The following IL1RAPL2 variants were observed in gnomAD, a reference collection of about 807,000 sequenced individuals.
IL1RAPL2 encodes interleukin 1 receptor accessory protein like 2, also known as X-linked interleukin-1 receptor accessory protein-like 2.
A neutral mutation model predicts 44.1 loss-of-function variants in IL1RAPL2; 3 were observed. That is an observed-to-expected ratio of 0.07 (90% confidence interval 0.03 to 0.18). IL1RAPL2 has a LOEUF of 0.18. Ranked by LOEUF, IL1RAPL2 falls within the 10% of genes least tolerant of loss-of-function variation. The pLI is 1.00. For missense variants in IL1RAPL2, 391 were observed against 496.4 expected, an observed-to-expected ratio of 0.79 and a Z score of 2.02; for synonymous variants, 181 against 178.8, an observed-to-expected ratio of 1.01 and a Z score of -0.10.
Position 105,524,530 on chromosome X carries a change from C to A in IL1RAPL2, c.772+40143C>A, listed in dbSNP as rs544026569. ...CACATCATTTTCAAGCACCTAAGAA[C>A]TTATTTACTGCAAATACTAGATATG... On this transcript the variant is annotated intron_variant, in intron 6 of 10. Coordinates refer to ENST00000372582, the MANE Select transcript of IL1RAPL2 (RefSeq NM_017416.2). Among the ~76,000 whole-genome samples the A allele has an allele frequency of 5.5e-4, 60 of 109,530 alleles. No individual in the cohort carries two copies. In the South Asian group the frequency reaches 0.022, roughly 41 times the overall value.
chrX:104,786,619 G>A (rs1932799168), intron 2 of IL1RAPL2, among the ~76,000 whole-genome samples: 1 of 111,270 alleles, frequency 9.0e-6, no homozygotes, highest in Admixed American at 9.6e-5. Flanking sequence ...TCTTTATAAA[G>A]ATAATCACTT....
intron 2 of IL1RAPL2, among the ~76,000 whole-genome samples, chrX:105,116,055 G>A (rs1020192464): frequency 1.6e-4 from 18 of 112,725 alleles, no homozygotes; most frequent in African/African-American, 3.9e-4. Context: ...GCCTGCAAGC[G>A]CGTGCGCAGC....
chrX:105,476,497 G>T (rs2036198312), intron 5 of IL1RAPL2, among the ~76,000 whole-genome samples: 1 of 111,739 alleles, frequency 8.9e-6, no homozygotes, highest in African/African-American at 3.3e-5. Flanking sequence ...GGGGATCACT[G>T]GTTCTGTTTT....
intron 2 of IL1RAPL2, among the ~76,000 whole-genome samples, chrX:104,903,708 G>C (rs952801753): frequency 2.7e-5 from 3 of 110,583 alleles, no homozygotes; most frequent in Non-Finnish European, 5.7e-5. Context: ...CTCCCGAGTA[G>C]CTGGGACTAC....
In IL1RAPL2 at chrX:104,783,326, T is replaced by G. The variant is rs772053134; in HGVS notation, c.82+124331T>G. 2.1e-4 allele frequency among the ~76,000 whole-genome samples: 23 copies of G among 110,999 alleles called. No homozygotes were observed. The South Asian group carries it at 8.2e-3, about 40-fold the overall frequency. On this transcript the variant is annotated intron_variant, in intron 2 of 10. Transcript: ENST00000372582. ...TTCTTGAAAGTTAGTGAGAGGTGTT[T>G]CCTCTGCAAACAGATCGCTGAAAGT...
chrX:105,385,767 T>TCCAAGTAG (rs1238653281), intron 5 of IL1RAPL2, among the ~76,000 whole-genome samples: 1 of 110,352 alleles, frequency 9.1e-6, no homozygotes, highest in East Asian at 2.9e-4. Context: ...TGGTAAGATG[T>TCCAAGTAG]CCAAGTAGAG....
chrX:105,035,318 C>T (rs1348387862), intron 2 of IL1RAPL2, among the ~76,000 whole-genome samples: 1 of 111,934 alleles, frequency 8.9e-6, no homozygotes, highest in Non-Finnish European at 1.9e-5. Flanking sequence ...CAAAAATCAC[C>T]TGTCTGCTGT....
At chrX:104,625,544 TTCTTC>T (rs201393239) in intron 1 of IL1RAPL2, among the ~76,000 whole-genome samples, 1,367 of 111,890 alleles carry the variant, frequency 0.012, 31 homozygotes, top group African/African-American at 0.041. Flanking sequence ...CTTCTTTTTC[TTCTTC>T]TCTTCTCTGC....
chrX:104,907,841 C>T (rs1020026067), intron 2 of IL1RAPL2, among the ~76,000 whole-genome samples: 2 of 110,246 alleles, frequency 1.8e-5, no homozygotes, highest in African/African-American at 6.6e-5. Context: ...GAGCTGACTT[C>T]AATTCCTGGG....
rs1219330020 is a variant in IL1RAPL2 at position 104,672,497 on chromosome X, T to C, written c.82+13502T>C. On this transcript the variant is annotated intron_variant, in intron 2 of 10. Coordinates refer to ENST00000372582, the MANE Select transcript of IL1RAPL2 (RefSeq NM_017416.2). ...ACATTTTCTTAATCCAGTCTATCAT[T>C]GTTGGACATTTGGGTTGGTTCCAAG... Among the ~76,000 whole-genome samples the C allele has an allele frequency of 1.4e-4, 15 of 107,211 alleles. No homozygotes were observed. In the South Asian group the frequency reaches 3.1e-3, roughly 22 times the overall value. 93.1% of individuals were successfully genotyped at this position (107,211 alleles called of 115,157 possible).
At chrX:105,517,528 A>G (rs2036523543) in intron 6 of IL1RAPL2, among the ~76,000 whole-genome samples, 1 of 111,102 alleles carries the variant, frequency 9.0e-6, no homozygotes, top group African/African-American at 3.3e-5. Context: ...TTTCACACCA[A>G]TGTGTCTGTG....
At chrX:105,613,815 G>T (rs761898367) in intron 6 of IL1RAPL2, among the ~76,000 whole-genome samples, 1 of 111,554 alleles carries the variant, frequency 9.0e-6, no homozygotes, top group African/African-American at 3.3e-5. Flanking sequence ...GACCTCATCT[G>T]CAGTAAATAG....
chrX:104,614,140 C>G (rs1183346090), intron 1 of IL1RAPL2, among the ~76,000 whole-genome samples: 1 of 111,375 alleles, frequency 9.0e-6, no homozygotes, highest in African/African-American at 3.3e-5. Flanking sequence ...TTCAAAGAAA[C>G]AGACTTTTGG....
chrX:105,262,950 A>G (rs1004183561), intron 4 of IL1RAPL2, among the ~76,000 whole-genome samples: 1 of 109,616 alleles, frequency 9.1e-6, no homozygotes, highest in Admixed American at 9.8e-5. Flanking sequence ...CAATGGTGCA[A>G]TCTTGGCTCA....
intron 2 of IL1RAPL2, among the ~76,000 whole-genome samples, chrX:104,904,932 G>A (rs1412420539): frequency 9.9e-5 from 11 of 111,281 alleles, no homozygotes; most frequent in African/African-American, 3.6e-4. Flanking sequence ...GTGTAAAAGT[G>A]TTCCTATTTC....
At chrX:105,304,240 T>C (rs1246074236) in intron 5 of IL1RAPL2, among the ~76,000 whole-genome samples, 1 of 103,483 alleles carries the variant, frequency 9.7e-6, no homozygotes, top group Non-Finnish European at 1.9e-5. Flanking sequence ...AATTGTAGGG[T>C]CACTGAATGA....
chrX:105,518,316 A>G (rs879211803), intron 6 of IL1RAPL2, among the ~76,000 whole-genome samples: 2 of 111,366 alleles, frequency 1.8e-5, no homozygotes, highest in Admixed American at 1.9e-4. Flanking sequence ...GGGGATAAGA[A>G]TACAAGCAAA....
chrX:105,297,772 A>G (rs2147672555), intron 5 of IL1RAPL2, among the ~76,000 whole-genome samples: 1 of 110,966 alleles, frequency 9.0e-6, no homozygotes, highest in East Asian at 2.9e-4. Context: ...ACAGAGCCAA[A>G]CCATATCATA....
At chrX:104,649,876 A>G (rs1930120061) in intron 1 of IL1RAPL2, among the ~76,000 whole-genome samples, 1 of 112,086 alleles carries the variant, frequency 8.9e-6, no homozygotes, top group Non-Finnish European at 1.9e-5. Flanking sequence ...GAGGAAGGGA[A>G]TAAAGTGAAA....
Sources: allele counts gnomAD v4.1 joint callset (sites outside exome capture counted in the v4.1 genomes callset), GRCh38; gene constraint gnomAD v4.1.1; transcripts MANE v1.5; gene names NCBI Gene and HGNC (gene_info 2026-07-23, HGNC 2026-07-21).